Variants in RFX2 observed in about 807,000 individuals in gnomAD.
RFX2 encodes DNA-binding protein RFX2.
Under a neutral mutation model 87.8 loss-of-function variants are expected in RFX2, and 20 were observed. That is an observed-to-expected ratio of 0.23 (90% CI 0.16 to 0.33). The LOEUF (loss-of-function observed/expected upper bound fraction) is 0.33, where lower values mean the gene tolerates loss of function less well. Ranked by LOEUF, RFX2 falls within the 10% of genes least tolerant of loss-of-function variation. RFX2 has a pLI of 1.00. For missense variants in RFX2, 767 were observed against 1,012.3 expected (o/e 0.76, Z 3.29); for synonymous variants, 397 against 431.3 (o/e 0.92, Z 0.98).
chr19:6,000,471 C>T (rs1022382191), intron 15 of RFX2, among the ~76,000 whole-genome samples: 1 of 152,202 alleles, frequency 6.6e-6, no homozygotes, highest in African/African-American at 2.4e-5. Context: ...TGTGTCCCCA[C>T]CCAAATCTCA....
intron 9 of RFX2, among the ~76,000 whole-genome samples, chr19:6,009,327 G>A (rs2086630166): frequency 6.6e-6 from 1 of 152,110 alleles, no homozygotes; most frequent in African/African-American, 2.4e-5. Context: ...AGCCTTCCTT[G>A]GCCGCCCCCC....
intron 1 of RFX2, among the ~76,000 whole-genome samples, chr19:6,054,923 C>T (rs984225121): frequency 6.6e-6 from 1 of 152,124 alleles, no homozygotes; most frequent in African/African-American, 2.4e-5. Flanking sequence ...AATAGGTAAG[C>T]CACAGCCTGG....
Position 6,023,869 on chromosome 19 carries a change from TC to T in RFX2, c.597+2293del, listed in dbSNP as rs1401151564. ...ATCTCAGCTCACTGCAACCTCCGTC[TC>T]CCAGGTTCAAGCGATTCTCCTGTCT... On this transcript the variant is annotated intron_variant, in intron 6 of 17. Coordinates refer to ENST00000303657, the MANE Select transcript of RFX2 (RefSeq NM_000635.4). This position sits in a 1 kb window ranked among gnomAD's most constrained non-coding sequence, Gnocchi z 4.9. 1.3e-5 allele frequency among the ~76,000 whole-genome samples: 2 copies of T among 151,952 alleles called. No homozygotes were observed. Among genetic ancestry groups the T allele is most frequent in the African/African-American group, 4.8e-5 (2 of 41,358 alleles).
rs28489448 is a variant in RFX2, at chr19:6,045,357, C to T, written c.91-1075G>A. On this transcript the variant is annotated intron_variant, in intron 2 of 17. Transcript: ENST00000303657. The surrounding 1 kb of genome is among the most constrained non-coding windows in gnomAD (Gnocchi z 5.2). ...GCCGTGAGTGGCACTGAGACCTGTCCATGGTGGCTGCTGCAGAGGAAGGCA... is the reference window on the plus strand; with the variant it reads ...GCCGTGAGTGGCACTGAGACCTGTCTATGGTGGCTGCTGCAGAGGAAGGCA... Among the ~76,000 whole-genome samples, 3,023 of 152,282 alleles carry T rather than the reference C, an allele frequency of 0.02. 98 individuals are homozygous for T. The highest frequency in any genetic ancestry group is 0.068 in the African/African-American group (2,826 of 41,538).
chr19:6,037,085 C>T (rs1002817911), intron 5 of RFX2, among the ~76,000 whole-genome samples: 4 of 151,878 alleles, frequency 2.6e-5, no homozygotes, highest in Admixed American at 2.0e-4. Flanking sequence ...GAGATGGAGA[C>T]CATCCTGGTT....
Position 6,002,995 on chromosome 19 carries a change from C to A in RFX2, c.1501-125G>T, listed in dbSNP as rs999943386. ...AGGGAGCAGGAAACAGCAACCTGGGCAGGGAAGAGGGAACCTCCTGCTATT... is the reference window on the plus strand; with the variant it reads ...AGGGAGCAGGAAACAGCAACCTGGGAAGGGAAGAGGGAACCTCCTGCTATT... On this transcript the variant is annotated intron_variant, in intron 13 of 17. Transcript: ENST00000303657. This position sits in a 1 kb window ranked among gnomAD's most constrained non-coding sequence, Gnocchi z 6.7. 5 of 1,100,450 alleles carry A rather than the reference C, an allele frequency of 4.5e-6. No homozygotes were observed. In the African/African-American group the frequency reaches 6.3e-5, roughly 14 times the overall value. The allele number at this position is 1,100,450 out of a possible 1,614,324, so 68.2% of individuals were successfully genotyped here.
chr19:6,035,545 C>A (rs144570150), intron 5 of RFX2, among the ~76,000 whole-genome samples: 2 of 152,266 alleles, frequency 1.3e-5, no homozygotes, highest in East Asian at 3.9e-4. Context: ...AATCACTCGT[C>A]GAGGCTACCA....
chr19:6,109,958 G>C (rs1040228410), intron 1 of RFX2, among the ~76,000 whole-genome samples: 14 of 151,444 alleles, frequency 9.2e-5, no homozygotes, highest in Non-Finnish European at 1.3e-4. Context: ...AGTAAAAGAG[G>C]GGTCCTTGGG....
chr19:6,023,151 A>G lies in RFX2; in HGVS notation c.597+3012T>C, dbSNP rs549785. On this transcript the variant is annotated intron_variant, in intron 6 of 17. Transcript: ENST00000303657. This position sits in a 1 kb window ranked among gnomAD's most constrained non-coding sequence, Gnocchi z 4.9. ...GGTCTGACGTCACCAGCTGGCAGCA[A>G]GGAAGAGGCGCACAGGCCCTGCTGC... 61,792 of 152,490 alleles carry G rather than the reference A, an allele frequency of 0.41. 15,759 individuals carry two copies. Among genetic ancestry groups the G allele is most frequent in the African/African-American group, 0.73 (30,348 of 41,516 alleles). 9.4% of individuals were successfully genotyped at this position (152,490 alleles called of 1,614,324 possible). A position where few individuals can be genotyped will look rare whatever the true frequency, so the allele number is the denominator to read the frequency against.
intron 1 of RFX2, among the ~76,000 whole-genome samples, chr19:6,098,211 C>A (rs1466244540): frequency 6.6e-6 from 1 of 151,964 alleles, no homozygotes; most frequent in Non-Finnish European, 1.5e-5. Context: ...AATAAAAGAA[C>A]TTTGCTACCC....
At position 6,082,873 on chromosome 19, in the gene RFX2, G is replaced by A. The variant is rs7507719; in HGVS notation, c.-9+27520C>T. ...GAGCCATGCTAGAGCCTGGGGCAAA[G>A]AGGAAAAAGAAGCAGCAGTGCTGAT... On this transcript the variant is annotated intron_variant, in intron 1 of 17. Coordinates refer to ENST00000303657, the MANE Select transcript of RFX2 (RefSeq NM_000635.4). Among the ~76,000 whole-genome samples the A allele has an allele frequency of 4.6e-5, 7 of 152,278 alleles. No homozygotes were observed. In the South Asian group the frequency reaches 1.2e-3, roughly 27 times the overall value.
chr19:6,029,569 C>T (rs897642727), intron 5 of RFX2, among the ~76,000 whole-genome samples: 1 of 151,922 alleles, frequency 6.6e-6, no homozygotes, highest in African/African-American at 2.4e-5. Context: ...ATTAGCTAGG[C>T]GTGGTGGTGG....
intron 1 of RFX2, among the ~76,000 whole-genome samples, chr19:6,069,133 T>C (rs1320042064): frequency 6.6e-6 from 1 of 152,144 alleles, no homozygotes. Flanking sequence ...GAGAGGCTCC[T>C]AGACACCCAG....
chr19:6,042,617 A>AC (rs1417068182), intron 3 of RFX2, among the ~76,000 whole-genome samples: 2 of 151,448 alleles, frequency 1.3e-5, no homozygotes, highest in Non-Finnish European at 2.9e-5. Flanking sequence ...TGGCCCCAAC[A>AC]CCCCCCGTGG....
rs774439672 is a variant in RFX2 at position 6,007,055 on chromosome 19, C to T, written c.1359G>A (p.Ala453=). ...MRSCDHILYQ[A]LVEILIPDVL... ...CGTCGGGGATGAGAATCTCCACCAG[C>T]GCCTGGTAGAGGATGTGGTCGCAGC... The change falls in exon 12 of 18, where the codon GCG becomes GCA. Residue 453 remains alanine (A), a synonymous_variant. Coordinates refer to ENST00000303657, the MANE Select transcript of RFX2 (RefSeq NM_000635.4). This position sits in a 1 kb window ranked among gnomAD's most constrained non-coding sequence, Gnocchi z 8.2. The T allele has an allele frequency of 5.6e-6, 9 of 1,614,126 alleles. No homozygotes were observed. Among genetic ancestry groups the T allele is most frequent in the Non-Finnish European group, 6.8e-6 (8 of 1,179,998 alleles).
intron 12 of RFX2, among the ~76,000 whole-genome samples, chr19:6,005,937 C>T (rs570318085): frequency 5.3e-5 from 8 of 152,290 alleles, no homozygotes; most frequent in South Asian, 4.1e-4. Flanking sequence ...CAAGGCCTCC[C>T]GCACAGTGAC....
intron 5 of RFX2, among the ~76,000 whole-genome samples, chr19:6,030,808 C>A (rs949321287): frequency 6.6e-6 from 1 of 152,176 alleles, no homozygotes; most frequent in Non-Finnish European, 1.5e-5. Flanking sequence ...TAATTTTAGT[C>A]TCCCTTGCAA....
intron 1 of RFX2, chr19:6,078,226 T>G (rs1022820800): frequency 2.0e-5 from 3 of 151,916 alleles, no homozygotes; most frequent in Non-Finnish European, 4.4e-5. Flanking sequence ...GGTTTCTTCT[T>G]CTTTTCGGAG....
chr19:6,089,482 C>T (rs1455312634), intron 1 of RFX2, among the ~76,000 whole-genome samples: 1 of 152,192 alleles, frequency 6.6e-6, no homozygotes, highest in Admixed American at 6.5e-5. Context: ...CATGTTGAAA[C>T]CTAACCCCCA....
Sources: gnomAD v4.1 joint callset for allele counts (sites outside exome capture counted in the v4.1 genomes callset) on GRCh38, gnomAD v4.1.1 for gene constraint, Gnocchi (gnomAD v3.1) non-coding constraint, MANE v1.5 for transcripts, NCBI Gene and HGNC (gene_info 2026-07-23, HGNC 2026-07-21) for gene names.